YWHAQ: variants seen among roughly 807,000 people sequenced by gnomAD.
YWHAQ encodes 14-3-3 protein theta.
In YWHAQ, 6 loss-of-function variants were observed where a neutral mutation model predicts 28.3. That is an observed-to-expected ratio of 0.21 (90% CI 0.12 to 0.42). YWHAQ has a LOEUF of 0.42. Among genes scored for constraint, YWHAQ ranks in the 10% least tolerant of loss-of-function variants. The pLI is 1.00. For missense variants in YWHAQ, 201 were observed against 305.6 expected, an observed-to-expected ratio of 0.66 and a Z score of 2.55; for synonymous variants, 143 against 119.1, an observed-to-expected ratio of 1.20 and a Z score of -1.31.
At chr2:9,612,099 A>G (rs192776200) in intron 2 of YWHAQ, among the ~76,000 whole-genome samples, 73 of 152,344 alleles carry the variant, frequency 4.8e-4, no homozygotes, top group South Asian at 2.7e-3. Flanking sequence ...AAATTGCCAA[A>G]GTCCTACTGA....
chr2:9,612,093 T>C (rs1186376708), intron 2 of YWHAQ, among the ~76,000 whole-genome samples: 3 of 152,254 alleles, frequency 2.0e-5, no homozygotes, highest in African/African-American at 7.2e-5. Context: ...CACCACAAAT[T>C]GCCAAAGTCC....
At chr2:9,627,160 G>C (rs1477875221) in intron 2 of YWHAQ, among the ~76,000 whole-genome samples, 1 of 152,158 alleles carries the variant, frequency 6.6e-6, no homozygotes, top group Non-Finnish European at 1.5e-5. Flanking sequence ...TTATCAAAAG[G>C]GTTGAGAGTT....
At chr2:9,608,264 A>C (rs547223627) in intron 2 of YWHAQ, among the ~76,000 whole-genome samples, 2 of 152,354 alleles carry the variant, frequency 1.3e-5, no homozygotes, top group African/African-American at 4.8e-5. Context: ...AGAGCTTCAA[A>C]GAAAAGAGGG....
At chr2:9,590,676 C>A (rs1350220962) in intron 3 of YWHAQ, among the ~76,000 whole-genome samples, 1 of 151,822 alleles carries the variant, frequency 6.6e-6, no homozygotes, top group Non-Finnish European at 1.5e-5. Flanking sequence ...TTAGGCAATT[C>A]GGTCACTTTT....
chr2:9,589,951 G>A (rs1181440470), intron 3 of YWHAQ, among the ~76,000 whole-genome samples: 1 of 152,190 alleles, frequency 6.6e-6, no homozygotes. Flanking sequence ...TTTATGACCT[G>A]AATTATGTTC....
At chr2:9,585,461 C>G (rs1168718061) in intron 5 of YWHAQ, 116 bp from the exon 6 acceptor site, 1 of 1,161,396 alleles carries the variant, frequency 8.6e-7, no homozygotes, top group African/African-American at 1.5e-5. Context: ...CAATGGAGAT[C>G]TTGACTAAGA....
chr2:9,598,933 G>A (rs1666631968), intron 2 of YWHAQ, among the ~76,000 whole-genome samples: 1 of 152,186 alleles, frequency 6.6e-6, no homozygotes, highest in South Asian at 2.1e-4. Context: ...CATGTCGAAA[G>A]CCAAGACAAG....
intron 2 of YWHAQ, among the ~76,000 whole-genome samples, chr2:9,605,475 T>TA (rs1666805159): frequency 6.6e-6 from 1 of 152,178 alleles, no homozygotes; most frequent in East Asian, 1.9e-4. Context: ...AATACTTTTT[T>TA]AAAAAAATCC....
intron 3 of YWHAQ, among the ~76,000 whole-genome samples, chr2:9,591,151 AATAATACCATATGAG>A (rs1666447138): frequency 6.6e-6 from 1 of 152,256 alleles, no homozygotes; most frequent in South Asian, 2.1e-4. Flanking sequence ...TCCTGTTTTA[AATAATACCATATGAG>A]ATTACAGAGT....
intron 2 of YWHAQ, chr2:9,628,826 C>T (rs902687275): frequency 6.6e-5 from 10 of 152,180 alleles, no homozygotes; most frequent in African/African-American, 2.4e-4. Flanking sequence ...GAAGTTTTGA[C>T]TTCATAAAGT....
chr2:9,623,841 T>C (rs937075304), intron 2 of YWHAQ, among the ~76,000 whole-genome samples: 1 of 152,096 alleles, frequency 6.6e-6, no homozygotes, highest in Non-Finnish European at 1.5e-5. Flanking sequence ...CAAGCTACTA[T>C]GAAGGAGGGG....
chr2:9,605,911 C>G (rs1476065629), intron 2 of YWHAQ, among the ~76,000 whole-genome samples: 1 of 152,078 alleles, frequency 6.6e-6, no homozygotes, highest in Admixed American at 6.6e-5. Context: ...TATGTATGTT[C>G]CCCTCTCCCT....
chr2:9,602,637 TG>T (rs1346916003), intron 2 of YWHAQ, among the ~76,000 whole-genome samples: 2 of 150,848 alleles, frequency 1.3e-5, no homozygotes, highest in Non-Finnish European at 2.9e-5. Flanking sequence ...CTTGAACTCC[TG>T]GACTCAAGGG....
At chr2:9,613,793 C>G (rs939176461) in intron 2 of YWHAQ, among the ~76,000 whole-genome samples, 14 of 152,132 alleles carry the variant, frequency 9.2e-5, no homozygotes, top group African/African-American at 3.4e-4. Context: ...CTTGCCCCTG[C>G]CCCAAACAAT....
At chr2:9,596,873 G>T (rs768979529) in intron 2 of YWHAQ, among the ~76,000 whole-genome samples, 1 of 152,130 alleles carries the variant, frequency 6.6e-6, no homozygotes, top group African/African-American at 2.4e-5. Flanking sequence ...TCGAACTCCT[G>T]ACCTCAAGGG....
chr2:9,621,574 CA>C (rs201361165), intron 2 of YWHAQ, among the ~76,000 whole-genome samples: 29,726 of 151,116 alleles, frequency 0.2, 4,681 homozygotes, highest in African/African-American at 0.44. Flanking sequence ...AAGCTGAAGA[CA>C]TAAGTACAGG....
intron 2 of YWHAQ, among the ~76,000 whole-genome samples, chr2:9,608,029 A>T (rs902152524): frequency 3.3e-5 from 5 of 152,124 alleles, no homozygotes; most frequent in Non-Finnish European, 5.9e-5. Context: ...ATTTTAGAGC[A>T]ATAAAGAGCA....
chr2:9,610,347 T>C (rs1390736075), intron 2 of YWHAQ, among the ~76,000 whole-genome samples: 1 of 152,182 alleles, frequency 6.6e-6, no homozygotes, highest in African/African-American at 2.4e-5. Context: ...TGACAGTTCT[T>C]AATTCATAGG....
At chr2:9,597,649 A>AG (rs1384962590) in intron 2 of YWHAQ, among the ~76,000 whole-genome samples, 38 of 149,132 alleles carry the variant, frequency 2.5e-4, no homozygotes, top group African/African-American at 8.2e-4. Flanking sequence ...AAAAAAAAAA[A>AG]AAAAGAAAAA....
Sources: gnomAD v4.1 joint callset for allele counts (sites outside exome capture counted in the v4.1 genomes callset) on GRCh38, gnomAD v4.1.1 for gene constraint, MANE v1.5 for transcripts, NCBI Gene and HGNC (gene_info 2026-07-23, HGNC 2026-07-21) for gene names.